The following GRM8 variants were observed in gnomAD, a reference collection of about 807,000 sequenced individuals.
GRM8 encodes the protein metabotropic glutamate receptor 8.
Under a neutral mutation model 87.2 loss-of-function variants are expected in GRM8, and 47 were observed. That is an observed-to-expected ratio of 0.54 (90% CI 0.43 to 0.69). The LOEUF is 0.69. GRM8 is among the 30% of genes least tolerant of loss of function. The probability of loss-of-function intolerance (pLI) is 0.00; values close to 1 mark genes in which losing one functional copy is unlikely to be tolerated. For missense variants in GRM8, 1,019 were observed against 1,139.2 expected, an observed-to-expected ratio of 0.89 and a Z score of 1.52; for synonymous variants, 396 against 404.5, an observed-to-expected ratio of 0.98 and a Z score of 0.25.
At chr7:126,445,966 T>C in intron 10 of GRM8, 160 bp downstream of exon 10, 2 of 809,338 alleles carry the variant, frequency 2.5e-6, no homozygotes, top group Non-Finnish European at 4.1e-6. Context: ...GACCATTTGC[T>C]TCGAATGGTT....
chr7:126,609,637 A>G, intron 7 of GRM8, 139 bp from the exon 8 acceptor site: 2 of 631,108 alleles, frequency 3.2e-6, no homozygotes, highest in Non-Finnish European at 5.4e-6. Flanking sequence ...ATACAAGGTC[A>G]TTCTTGATAG....
At chr7:126,939,418 G>C (rs937258887) in intron 3 of GRM8, among the ~76,000 whole-genome samples, 1 of 152,116 alleles carries the variant, frequency 6.6e-6, no homozygotes, top group Non-Finnish European at 1.5e-5. Flanking sequence ...TTGAGACTAG[G>C]TTTCCTCATC....
intron 7 of GRM8, among the ~76,000 whole-genome samples, chr7:126,627,622 T>G (rs1800833285): frequency 6.6e-6 from 1 of 152,186 alleles, no homozygotes; most frequent in South Asian, 2.1e-4. Context: ...TTGCATTTTT[T>G]TTAACTTTAA....
intron 9 of GRM8, among the ~76,000 whole-genome samples, chr7:126,473,599 G>A (rs1260779440): frequency 6.6e-6 from 1 of 152,158 alleles, no homozygotes; most frequent in African/African-American, 2.4e-5. Flanking sequence ...AATGAGTTAA[G>A]ACATTAGTGG....
intron 3 of GRM8, among the ~76,000 whole-genome samples, chr7:126,911,090 C>T (rs565675643): frequency 6.6e-6 from 1 of 152,288 alleles, no homozygotes; most frequent in South Asian, 2.1e-4. Context: ...TCATCACCAA[C>T]ACTGAGAGAT....
At chr7:126,609,817 G>A (rs1423254328) in intron 7 of GRM8, among the ~76,000 whole-genome samples, 1 of 152,214 alleles carries the variant, frequency 6.6e-6, no homozygotes, top group Non-Finnish European at 1.5e-5. Flanking sequence ...TACATAGTAT[G>A]ATAGTTAATA....
rs1449718761 is a variant in GRM8, at chr7:127,252,757, T to C, written c.-312+40A>G. ...TTGTCCCGTGGTTCGGCACTTGCTT[T>C]CCTCGGAGCCGCTTTCTGCTGCCGG... On this transcript the variant is annotated intron_variant, in intron 1 of 10. Coordinates refer to ENST00000339582, the MANE Select transcript of GRM8 (RefSeq NM_000845.3). The surrounding 1 kb of genome is among the most constrained non-coding windows in gnomAD (Gnocchi z 4.9). 1 of 154,414 alleles carries C rather than the reference T, an allele frequency of 6.5e-6. No individual in the cohort carries two copies. Among genetic ancestry groups the C allele is most frequent in the Admixed American group, 6.5e-5 (1 of 15,302 alleles). The allele number at this position is 154,414 out of a possible 1,614,324, so 9.6% of individuals were successfully genotyped here.
chr7:126,950,653 G>C (rs925733895), intron 3 of GRM8, among the ~76,000 whole-genome samples: 2 of 152,068 alleles, frequency 1.3e-5, no homozygotes, highest in Non-Finnish European at 2.9e-5. Context: ...ATTATAGCCA[G>C]TTTTAGCTTC....
chr7:126,458,715 A>G (rs1563028213), intron 9 of GRM8, among the ~76,000 whole-genome samples: 2 of 151,330 alleles, frequency 1.3e-5, no homozygotes. Flanking sequence ...TAAAATTTTC[A>G]TAACAGGAAA....
At chr7:126,644,327 G>T (rs1381128872) in intron 7 of GRM8, among the ~76,000 whole-genome samples, 1 of 152,122 alleles carries the variant, frequency 6.6e-6, no homozygotes, top group African/African-American at 2.4e-5. Context: ...GTTTTTGAAA[G>T]GAATGTAGAC....
intron 2 of GRM8, among the ~76,000 whole-genome samples, chr7:127,126,762 C>A (rs17867771): frequency 0.011 from 1,597 of 151,932 alleles, 22 homozygotes; most frequent in Admixed American, 0.015. Flanking sequence ...AAATAAGAAA[C>A]CTCTTCACAT....
chr7:126,719,899 G>A (rs1169953757), intron 7 of GRM8, among the ~76,000 whole-genome samples: 1 of 146,998 alleles, frequency 6.8e-6, no homozygotes, highest in Non-Finnish European at 1.5e-5. Context: ...TCTATAGCAA[G>A]TTCTATATTT....
At chr7:127,072,668 C>A (rs1434662399) in intron 3 of GRM8, among the ~76,000 whole-genome samples, 1 of 150,190 alleles carries the variant, frequency 6.7e-6, no homozygotes, top group African/African-American at 2.5e-5. Flanking sequence ...GCTCAACACA[C>A]AAATCGGGGC....
In GRM8 at chr7:127,252,459, G is replaced by A; in HGVS notation, c.-312+338C>T. 1 of 152,560 alleles carries A rather than the reference G, an allele frequency of 6.6e-6. No homozygotes were observed. Among genetic ancestry groups the A allele is most frequent in the Non-Finnish European group, 1.5e-5 (1 of 68,316 alleles). The allele number at this position is 152,560 out of a possible 1,614,324, so 9.5% of individuals were successfully genotyped here. On this transcript the variant is annotated intron_variant, in intron 1 of 10. Coordinates refer to ENST00000339582, the MANE Select transcript of GRM8 (RefSeq NM_000845.3). The surrounding 1 kb of genome is among the most constrained non-coding windows in gnomAD (Gnocchi z 4.9). ...AACAGACACCCAATCAAGCTCCAATGCCCGGCCAGCCCCTCGCCCCCTGGT... is the reference window on the plus strand; with the variant it reads ...AACAGACACCCAATCAAGCTCCAATACCCGGCCAGCCCCTCGCCCCCTGGT...
At chr7:126,711,111 G>A (rs1316757821) in intron 7 of GRM8, among the ~76,000 whole-genome samples, 1 of 152,208 alleles carries the variant, frequency 6.6e-6, no homozygotes, top group Admixed American at 6.5e-5. Flanking sequence ...GGAGGTGGAG[G>A]TTGTGGTGAG....
intron 6 of GRM8, among the ~76,000 whole-genome samples, chr7:126,895,690 GT>G (rs1406385049): frequency 6.6e-6 from 1 of 151,840 alleles, no homozygotes; most frequent in South Asian, 2.1e-4. Context: ...CTCCTATTTT[GT>G]TTTTTGCTTA....
intron 2 of GRM8, among the ~76,000 whole-genome samples, chr7:127,206,386 G>A (rs1795913742): frequency 6.6e-6 from 1 of 152,190 alleles, no homozygotes; most frequent in African/African-American, 2.4e-5. Flanking sequence ...TCTGAATTCT[G>A]AAGGATTGAT....
rs577533754 is a variant in GRM8 at position 126,884,301 on chromosome 7, CG to C, written c.1156+18240del. On this transcript the variant is annotated intron_variant, in intron 6 of 10. Coordinates refer to ENST00000339582, the MANE Select transcript of GRM8 (RefSeq NM_000845.3). ...CCTGTGAATTAAAAAAAGGAAATCA[CG>C]GGGGAAAAATGAGCAGCCAGATCAA... Among the ~76,000 whole-genome samples, 13 of 151,790 alleles carry C rather than the reference CG, an allele frequency of 8.6e-5. No homozygotes were observed. The East Asian group carries it at 2.5e-3, about 29-fold the overall frequency.
At chr7:126,499,335 A>C (rs999358460) in intron 9 of GRM8, among the ~76,000 whole-genome samples, 2 of 151,850 alleles carry the variant, frequency 1.3e-5, no homozygotes, top group Admixed American at 1.3e-4. Flanking sequence ...TGTGTAGAAA[A>C]GGAAACCCTT....
Sources: allele counts gnomAD v4.1 joint callset (sites outside exome capture counted in the v4.1 genomes callset), GRCh38; gene constraint gnomAD v4.1.1; non-coding constraint Gnocchi (gnomAD v3.1); transcripts MANE v1.5; gene names NCBI Gene and HGNC (gene_info 2026-07-23, HGNC 2026-07-21).